CNTN3: variants seen among roughly 807,000 people sequenced by gnomAD.
CNTN3 encodes the protein contactin 3.
A neutral mutation model predicts 119.1 loss-of-function variants in CNTN3; 60 were observed. The observed-to-expected ratio is 0.50, with a 90% CI of 0.41 to 0.62. CNTN3 has a LOEUF of 0.62. Among genes scored for constraint, CNTN3 ranks in the 20% least tolerant of loss-of-function variants. The pLI is 0.00. For missense variants in CNTN3, 1,101 were observed against 1,242.4 expected, an observed-to-expected ratio of 0.89 and a Z score of 1.71; for synonymous variants, 450 against 438.7, an observed-to-expected ratio of 1.03 and a Z score of -0.32.
At chr3:74,290,848 C>T (rs879436125) in intron 19 of CNTN3, among the ~76,000 whole-genome samples, 62 of 152,120 alleles carry the variant, frequency 4.1e-4, no homozygotes, top group South Asian at 1.7e-3. Flanking sequence ...CCTGCCACTA[C>T]GCCCGGCTAA....
intron 1 of CNTN3, among the ~76,000 whole-genome samples, chr3:74,550,607 T>C (rs1241326405): frequency 6.6e-6 from 1 of 152,162 alleles, no homozygotes; most frequent in Admixed American, 6.5e-5. Context: ...GGTGCACTCA[T>C]AGCTCACTAC....
intron 1 of CNTN3, among the ~76,000 whole-genome samples, chr3:74,543,636 T>G (rs1426763931): frequency 6.6e-6 from 1 of 152,188 alleles, no homozygotes; most frequent in Non-Finnish European, 1.5e-5. Flanking sequence ...ACTTGCAGAT[T>G]TCACATTTTA....
chr3:74,362,066 A>C (rs747421949), intron 10 of CNTN3, 26 bp from the exon 11 acceptor site: 1 of 1,605,154 alleles, frequency 6.2e-7, no homozygotes, highest in Non-Finnish European at 8.5e-7. Context: ...GGAGAGAAGG[A>C]GAAGTGGATC....
chr3:74,432,322 A>G (rs1701796998), intron 4 of CNTN3, among the ~76,000 whole-genome samples: 1 of 152,030 alleles, frequency 6.6e-6, no homozygotes, highest in Admixed American at 6.6e-5. Context: ...CCTAGGCCAC[A>G]TTGGAAGAAG....
chr3:74,501,256 G>A (rs1026504949), intron 2 of CNTN3, among the ~76,000 whole-genome samples: 8 of 152,058 alleles, frequency 5.3e-5, no homozygotes, highest in Middle Eastern at 3.4e-3. Context: ...ATCAAATGAC[G>A]TGGAGACTGA....
At chr3:74,413,180 A>G (rs1701466101) in intron 5 of CNTN3, among the ~76,000 whole-genome samples, 1 of 152,200 alleles carries the variant, frequency 6.6e-6, no homozygotes, top group African/African-American at 2.4e-5. Context: ...TGAAAATGAC[A>G]CGTCCCAGGT....
At chr3:74,275,438 A>C (rs1384469705) in intron 20 of CNTN3, among the ~76,000 whole-genome samples, 10 of 152,206 alleles carry the variant, frequency 6.6e-5, no homozygotes, top group Non-Finnish European at 1.0e-4. Flanking sequence ...CTATCAGATT[A>C]ACATCAGATT....
intron 19 of CNTN3, among the ~76,000 whole-genome samples, chr3:74,287,227 C>A (rs570408883): frequency 6.6e-6 from 1 of 152,122 alleles, no homozygotes; most frequent in South Asian, 2.1e-4. Context: ...TTTCACAAAC[C>A]AATATATTTT....
In CNTN3 at chr3:74,457,761, A is replaced by G. The variant is rs140026516; in HGVS notation, c.358+28695T>C. 3.1e-3 allele frequency among the ~76,000 whole-genome samples: 466 copies of G among 152,188 alleles called. 5 individuals carry two copies. The highest frequency in any genetic ancestry group is 9.6e-3 in the African/African-American group (399 of 41,568). The stretch of plus-strand genomic sequence containing the variant: ...CTTTCCTTAAGAAAAAAAATGTTGC[A>G]TGGCTCAGAGGAGAGATAAATTAAT... On this transcript the variant is annotated intron_variant, in intron 4 of 22. Coordinates refer to ENST00000263665, the MANE Select transcript of CNTN3 (RefSeq NM_020872.3).
At chr3:74,451,271 T>C (rs1702149015) in intron 4 of CNTN3, among the ~76,000 whole-genome samples, 2 of 152,204 alleles carry the variant, frequency 1.3e-5, no homozygotes, top group African/African-American at 4.8e-5. Flanking sequence ...CCAGTGATGG[T>C]GAGCATTTTT....
At chr3:74,364,701 G>C (rs539966647) in intron 9 of CNTN3, 105 bp from the exon 10 acceptor site, 1 of 975,390 alleles carries the variant, frequency 1.0e-6, no homozygotes, top group African/African-American at 1.6e-5. Flanking sequence ...GCATTTTTCT[G>C]AGAGTATTAG....
At chr3:74,453,146 T>G (rs143065527) in intron 4 of CNTN3, among the ~76,000 whole-genome samples, 3 of 152,010 alleles carry the variant, frequency 2.0e-5, no homozygotes, top group Admixed American at 1.3e-4. Context: ...CATCTGGTCC[T>G]GGACTCTTTT....
intron 1 of CNTN3, among the ~76,000 whole-genome samples, chr3:74,555,272 C>T (rs904288778): frequency 2.6e-5 from 4 of 152,134 alleles, no homozygotes; most frequent in African/African-American, 7.2e-5. Context: ...TCGACTTGAT[C>T]GTAGTGGATA....
chr3:74,572,438 TCCA>T (rs548155497), intron 1 of CNTN3, among the ~76,000 whole-genome samples: 11 of 151,866 alleles, frequency 7.2e-5, no homozygotes, highest in Non-Finnish European at 1.5e-4. Context: ...TATGATAGAC[TCCA>T]CCAAGAAATA....
chr3:74,437,080 A>G (rs1701878909), intron 4 of CNTN3, among the ~76,000 whole-genome samples: 1 of 152,228 alleles, frequency 6.6e-6, no homozygotes. Flanking sequence ...GCCTCTGACT[A>G]TATCAAATAA....
chr3:74,301,320 G>T, intron 16 of CNTN3, 78 bp downstream of exon 16: 1 of 1,431,336 alleles, frequency 7.0e-7, no homozygotes, highest in Non-Finnish European at 9.6e-7. Flanking sequence ...ACCCCCTGCT[G>T]GCCTGGAGTT....
chr3:74,560,255 C>A (rs562229440), intron 1 of CNTN3, among the ~76,000 whole-genome samples: 2 of 152,092 alleles, frequency 1.3e-5, no homozygotes, highest in East Asian at 1.9e-4. Context: ...TAAGTTAATA[C>A]CTACAGAGCA....
At chr3:74,364,627 A>G in intron 9 of CNTN3, 31 bp from the exon 10 acceptor site, 1 of 1,546,386 alleles carries the variant, frequency 6.5e-7, no homozygotes, top group Non-Finnish European at 8.9e-7. Context: ...CTTTCATATA[A>G]ACAAACATAC....
chr3:74,339,772 T>C (rs1388718025), intron 11 of CNTN3, among the ~76,000 whole-genome samples: 1 of 151,842 alleles, frequency 6.6e-6, no homozygotes, highest in Non-Finnish European at 1.5e-5. Flanking sequence ...TGTAAAGGAG[T>C]TGGGGCTAGT....
Sources: gnomAD v4.1 joint callset for allele counts (sites outside exome capture counted in the v4.1 genomes callset) on GRCh38, gnomAD v4.1.1 for gene constraint, MANE v1.5 for transcripts, NCBI Gene and HGNC (gene_info 2026-07-23, HGNC 2026-07-21) for gene names.